TNFRSF10B: variants seen among roughly 807,000 people sequenced by gnomAD.
The protein encoded by TNFRSF10B is tumor necrosis factor receptor superfamily member 10B.
TNFRSF10B carries 35 observed loss-of-function variants against 41.4 expected under a neutral mutation model. The observed-to-expected ratio is 0.85, with a 90% CI of 0.65 to 1.12. The LOEUF (loss-of-function observed/expected upper bound fraction) is 1.12, where lower values mean the gene tolerates loss of function less well. Among genes scored for constraint, TNFRSF10B ranks in the 50% most tolerant of loss-of-function variants. TNFRSF10B has a pLI of 0.00. For missense variants in TNFRSF10B, 584 were observed against 552.7 expected, an observed-to-expected ratio of 1.06 and a Z score of -0.57; for synonymous variants, 230 against 215.5, an observed-to-expected ratio of 1.07 and a Z score of -0.59.
At chr8:23,025,177 CA>C (rs1343840720) in intron 7 of TNFRSF10B, among the ~76,000 whole-genome samples, 2 of 151,884 alleles carry the variant, frequency 1.3e-5, no homozygotes, top group Non-Finnish European at 2.9e-5. Context: ...AAAGTAGCAG[CA>C]GACATAATAA....
At chr8:23,060,741 A>C (rs1048246267) in intron 1 of TNFRSF10B, among the ~76,000 whole-genome samples, 3 of 152,304 alleles carry the variant, frequency 2.0e-5, no homozygotes, top group Non-Finnish European at 4.4e-5. Context: ...ATGTTGACAT[A>C]ATTAGTCTTA....
In TNFRSF10B at chr8:23,030,865, A is replaced by G; in HGVS notation, c.258T>C (p.His86=). ...PSEGLCPPGH[H]ISEDGRDCIS... is the part of the protein sequence containing the mutation. ...TGCAATCTCTACCGTCTTCTGAGAT[A>G]TGGTGTCCTGGGAGGGGAGAGAAAA... is the stretch of plus-strand genomic sequence containing the variant. The change falls in exon 3 of 9, where the codon CAT becomes CAC. Residue 86 remains histidine, a synonymous_variant. Coordinates refer to ENST00000276431, the MANE Select transcript of TNFRSF10B (RefSeq NM_003842.5). 6.2e-7 allele frequency: 1 copy of G among 1,609,104 alleles called. No homozygotes were observed. The highest frequency in any genetic ancestry group is 8.5e-7 in the Non-Finnish European group (1 of 1,177,780).
chr8:23,031,002 G>T, intron 2 of TNFRSF10B, 130 bp from the exon 3 acceptor site: 1 of 700,984 alleles, frequency 1.4e-6, no homozygotes, highest in Non-Finnish European at 2.6e-6. Context: ...ACCTAGCTTG[G>T]TCAGTTCATC....
chr8:23,056,700 G>T (rs2128819704), intron 1 of TNFRSF10B, among the ~76,000 whole-genome samples: 1 of 151,022 alleles, frequency 6.6e-6, no homozygotes, highest in South Asian at 2.1e-4. Context: ...AAGTTTTGAT[G>T]CATTAAACCT....
intron 8 of TNFRSF10B, 96 bp from the exon 9 acceptor site, chr8:23,023,080 G>A (rs1811588623): frequency 1.3e-6 from 2 of 1,484,168 alleles, no homozygotes; most frequent in East Asian, 4.8e-5. Flanking sequence ...GGGGAACCTG[G>A]AGAGCCCCGT....
Position 23,022,830 on chromosome 8 carries a change from C to G in TNFRSF10B, c.1164G>C (p.Lys388Asn). Residue 388 changes from lysine to asparagine, a missense_variant, in exon 9 of 9, where the codon AAG becomes AAC. Coordinates refer to ENST00000276431, the MANE Select transcript of TNFRSF10B (RefSeq NM_003842.5). ...HRDTLYTMLI[K>N]WVNKTGRDAS... is the part of the protein sequence containing the mutation. ...CATCTCGCCCGGTTTTGTTGACCCA[C>G]TTTATCAGCATCGTGTACAAGGTGT... 5 of 1,614,078 alleles carry G rather than the reference C, an allele frequency of 3.1e-6. No homozygotes were observed. Among genetic ancestry groups the G allele is most frequent in the Non-Finnish European group, 4.2e-6 (5 of 1,179,986 alleles).
intron 1 of TNFRSF10B, among the ~76,000 whole-genome samples, chr8:23,049,352 C>T (rs1812454168): frequency 6.6e-6 from 1 of 152,128 alleles, no homozygotes; most frequent in Admixed American, 6.5e-5. Flanking sequence ...AACAAGGACT[C>T]ATTTAGGATT....
In TNFRSF10B at chr8:23,040,327, A is replaced by T. The variant is rs1362115718; in HGVS notation, c.250+2811T>A. On this transcript the variant is annotated intron_variant, in intron 2 of 8. Coordinates refer to ENST00000276431, the MANE Select transcript of TNFRSF10B (RefSeq NM_003842.5). ...ATATATATTTAATAAATATATATACAAAATATATATTTATTAAATATATAC... is the reference window on the plus strand; with the variant it reads ...ATATATATTTAATAAATATATATACTAAATATATATTTATTAAATATATAC... Among the ~76,000 whole-genome samples the T allele has an allele frequency of 2.7e-5, 2 of 73,104 alleles. 1 individual carries two copies. Among genetic ancestry groups the T allele is most frequent in the Non-Finnish European group, 6.6e-5 (2 of 30,518 alleles). The allele number at this position is 73,104 out of a possible 152,430, so 48.0% of individuals were successfully genotyped here.
At chr8:23,030,637 A>G (rs936892991) in intron 3 of TNFRSF10B, 122 bp downstream of exon 3, 23 of 739,512 alleles carry the variant, frequency 3.1e-5, no homozygotes, top group African/African-American at 5.2e-5. Flanking sequence ...AAAATCATGG[A>G]ACATGGTATG....
chr8:23,056,945 C>T (rs771826190), intron 1 of TNFRSF10B, among the ~76,000 whole-genome samples: 1 of 151,798 alleles, frequency 6.6e-6, no homozygotes, highest in South Asian at 2.1e-4. Flanking sequence ...AGTGAGGGTA[C>T]CATCTTCACT....
At chr8:23,051,618 C>T (rs1407853878) in intron 1 of TNFRSF10B, among the ~76,000 whole-genome samples, 4 of 151,644 alleles carry the variant, frequency 2.6e-5, no homozygotes, top group African/African-American at 9.7e-5. Context: ...GATCTCGGCT[C>T]ACTGCAAGCT....
rs1462911102 is a variant in TNFRSF10B, at chr8:23,068,868, C to A, written c.27G>T (p.Pro9=). ...GCCTTTTCCGGGCCCCCGAAGCGGC[C>A]GGGGCGTTCTGTCCCCGTTGTTCCA... MEQRGQNA[P]AASGARKRHG... The change falls in exon 1 of 9, where the codon CCG becomes CCT. Residue 9 remains proline (P), a synonymous_variant. Transcript: ENST00000276431. The A allele has an allele frequency of 6.2e-7, 1 of 1,613,362 alleles. No homozygotes were observed. Among genetic ancestry groups the A allele is most frequent in the African/African-American group, 1.3e-5 (1 of 74,932 alleles).
At chr8:23,039,478 T>G (rs574828561) in intron 2 of TNFRSF10B, among the ~76,000 whole-genome samples, 1 of 152,112 alleles carries the variant, frequency 6.6e-6, no homozygotes, top group Non-Finnish European at 1.5e-5. Context: ...CTTTTTTCTA[T>G]TGAGGCTTTC....
Position 23,044,124 on chromosome 8 carries a change from C to A in TNFRSF10B, c.145-881G>T, listed in dbSNP as rs540703114. On this transcript the variant is annotated intron_variant, in intron 1 of 8. Coordinates refer to ENST00000276431, the MANE Select transcript of TNFRSF10B (RefSeq NM_003842.5). ...GGGAAATCTAGACATTGACTCATCA[C>A]AAAACAATGACCTCGGACCTTTAAC... Among the ~76,000 whole-genome samples, 3 of 152,250 alleles carry A rather than the reference C, an allele frequency of 2.0e-5. No homozygotes were observed. In the East Asian group the frequency reaches 5.8e-4, roughly 29 times the overall value.
rs1281399885 is a variant in TNFRSF10B, at chr8:23,058,837, T to C, written c.144+9914A>G. On this transcript the variant is annotated intron_variant, in intron 1 of 8. Coordinates refer to ENST00000276431, the MANE Select transcript of TNFRSF10B (RefSeq NM_003842.5). ...ATTTCCATTTTATGTGTAATTGTTA[T>C]AGTGACTAAAATAAATGCTGTTTTT... 2.0e-5 allele frequency among the ~76,000 whole-genome samples: 3 copies of C among 152,212 alleles called. No homozygotes were observed. In the East Asian group the frequency reaches 5.8e-4, roughly 29 times the overall value.
intron 1 of TNFRSF10B, among the ~76,000 whole-genome samples, chr8:23,060,842 C>T (rs1812811373): frequency 6.6e-6 from 1 of 152,080 alleles, no homozygotes; most frequent in South Asian, 2.1e-4. Context: ...TACTAGTCTT[C>T]CACCTCCTTG....
intron 2 of TNFRSF10B, among the ~76,000 whole-genome samples, chr8:23,037,496 T>C (rs1812060281): frequency 6.6e-6 from 1 of 152,278 alleles, no homozygotes; most frequent in Non-Finnish European, 1.5e-5. Flanking sequence ...CTTCCCTGCA[T>C]GCAATGCTTC....
At chr8:23,050,020 T>A (rs1265690726) in intron 1 of TNFRSF10B, 1 of 151,794 alleles carries the variant, frequency 6.6e-6, no homozygotes, top group African/African-American at 2.4e-5. Flanking sequence ...GGGCTGTTTA[T>A]GTGCAAATCT....
intron 7 of TNFRSF10B, among the ~76,000 whole-genome samples, chr8:23,026,462 G>A (rs4872044): frequency 0.85 from 129,656 of 152,174 alleles, 55,860 homozygotes; most frequent in East Asian, 0.98. Flanking sequence ...ATATTGAATC[G>A]AAAATTCAAT....
Sources: gnomAD v4.1 joint callset for allele counts (sites outside exome capture counted in the v4.1 genomes callset) on GRCh38, gnomAD v4.1.1 for gene constraint, MANE v1.5 for transcripts, NCBI Gene and HGNC (gene_info 2026-07-23, HGNC 2026-07-21) for gene names.